PYGB: variants seen among roughly 807,000 people sequenced by gnomAD.
The protein encoded by PYGB is glycogen phosphorylase B.
Under a neutral mutation model 94.3 loss-of-function variants are expected in PYGB, and 82 were observed. The ratio of observed to expected loss-of-function variants is 0.87; its 90% CI spans 0.73 to 1.04. The LOEUF (loss-of-function observed/expected upper bound fraction) is 1.04. Ranked by LOEUF, PYGB falls within the 50% of genes least tolerant of loss-of-function variation. PYGB has a pLI of 0.00. For missense variants in PYGB, 1,132 were observed against 1,158.2 expected (o/e 0.98, Z 0.33); for synonymous variants, 488 against 479.1 (o/e 1.02, Z -0.24).
chr20:25,249,482 G>T (rs918685337), intron 1 of PYGB, among the ~76,000 whole-genome samples: 4 of 152,224 alleles, frequency 2.6e-5, no homozygotes, highest in Admixed American at 1.3e-4. Flanking sequence ...CAGACCTGAA[G>T]CCACTTGGCA....
In PYGB at chr20:25,287,088, C is replaced by A. The variant is rs190867287; in HGVS notation, c.1769-1337C>A. ...CGCCTGTCCAGGGTGGCCGCTCATC[C>A]CCTTTTTGTAGGAACCTCCCGTGAA... On this transcript the variant is annotated intron_variant, in intron 14 of 19. Transcript: ENST00000216962. Among the ~76,000 whole-genome samples the A allele has an allele frequency of 7.0e-3, 1,070 of 152,320 alleles. 5 individuals are homozygous for A. Among genetic ancestry groups the A allele is most frequent in the Non-Finnish European group, 0.012 (786 of 68,032 alleles).
chr20:25,293,089 T>C (rs544984301), intron 17 of PYGB, among the ~76,000 whole-genome samples: 1 of 142,990 alleles, frequency 7.0e-6, no homozygotes, highest in African/African-American at 2.6e-5. Context: ...TGTTTAAAAA[T>C]AGTATTTTGG....
chr20:25,291,789 G>T (rs960080002), intron 16 of PYGB, among the ~76,000 whole-genome samples: 1 of 152,158 alleles, frequency 6.6e-6, no homozygotes, highest in Non-Finnish European at 1.5e-5. Flanking sequence ...GTTCTCCCCG[G>T]CAGTGTTGCT....
intron 3 of PYGB, among the ~76,000 whole-genome samples, chr20:25,269,841 C>G (rs1378870489): frequency 6.6e-6 from 1 of 152,234 alleles, no homozygotes; most frequent in Non-Finnish European, 1.5e-5. Flanking sequence ...TCCCCGGCCC[C>G]GAGACCTGCT....
chr20:25,262,854 C>CA (rs1209261967), intron 2 of PYGB, among the ~76,000 whole-genome samples: 1 of 152,042 alleles, frequency 6.6e-6, no homozygotes, highest in Non-Finnish European at 1.5e-5. Flanking sequence ...CAACAAAGAT[C>CA]AAAAGAGACA....
rs564640186 is a variant in PYGB at position 25,262,589 on chromosome 20, C to T, written c.345+3251C>T. Among the ~76,000 whole-genome samples, 84 of 152,262 alleles carry T rather than the reference C, an allele frequency of 5.5e-4. No individual in the cohort carries two copies. The South Asian group carries it at 0.017, about 30-fold the overall frequency. On this transcript the variant is annotated intron_variant, in intron 2 of 19. Coordinates refer to ENST00000216962, the MANE Select transcript of PYGB (RefSeq NM_002862.4). ...ATCAGCTACCGGGCAGAATAACCAG[C>T]TAACATCATAATGACAGGATCAAAT...
At chr20:25,269,435 C>A (rs1021327173) in intron 3 of PYGB, among the ~76,000 whole-genome samples, 2 of 152,182 alleles carry the variant, frequency 1.3e-5, no homozygotes, top group Non-Finnish European at 2.9e-5. Flanking sequence ...ACCAATCTTG[C>A]CAGCATGGAG....
Position 25,276,433 on chromosome 20 carries a change from C to T in PYGB, c.661-213C>T, listed in dbSNP as rs368668464. ...GGGGAGGGTGGTGGGACGGGTGGTC[C>T]TCTCAGGATGACAATGTGGGCACCA... On this transcript the variant is annotated intron_variant, in intron 5 of 19. Transcript: ENST00000216962. Among the ~76,000 whole-genome samples, 188 of 152,042 alleles carry T rather than the reference C, an allele frequency of 1.2e-3. 1 individual carries two copies. The highest frequency in any genetic ancestry group is 4.4e-3 in the African/African-American group (183 of 41,466).
chr20:25,262,238 G>A (rs190710765), intron 2 of PYGB, among the ~76,000 whole-genome samples: 1 of 152,342 alleles, frequency 6.6e-6, no homozygotes, highest in African/African-American at 2.4e-5. Context: ...AGAAAGGTTG[G>A]ATTACCCGCA....
In PYGB at chr20:25,277,136, T is replaced by C. The variant is rs189076159; in HGVS notation, c.773-108T>C. 59 of 814,878 alleles carry C rather than the reference T, an allele frequency of 7.2e-5. No individual in the cohort carries two copies. The African/African-American group carries it at 8.8e-4, about 12-fold the overall frequency. The allele number at this position is 814,878 out of a possible 1,614,324, so 50.5% of individuals were successfully genotyped here. ...GGAAGTAATGCAGCGGCTGGGGGAGTCCTGTGCTCGAGCGAGTTTCCTTGG... is the reference window on the plus strand; with the variant it reads ...GGAAGTAATGCAGCGGCTGGGGGAGCCCTGTGCTCGAGCGAGTTTCCTTGG... On this transcript the variant is annotated intron_variant, in intron 6 of 19. Coordinates refer to ENST00000216962, the MANE Select transcript of PYGB (RefSeq NM_002862.4).
chr20:25,288,463 A>T lies in PYGB; in HGVS notation c.1807A>T (p.Thr603Ser), dbSNP rs200142529. The T allele has an allele frequency of 2.0e-5, 33 of 1,613,446 alleles. No homozygotes were observed. The highest frequency in any genetic ancestry group is 2.5e-6 in the Non-Finnish European group (3 of 1,179,930). ...RDPAKAFVPR[T>S]VMIGGKAAPG... ...CCCGGCCAAGGCTTTTGTGCCCAGG[A>T]CTGTTATGATTGGGGGCAAGGTGAG... Residue 603 changes from threonine to serine, a missense_variant, in exon 15 of 20, where the codon ACT becomes TCT. Thr to Ser is a moderately conservative substitution (Grantham distance 58). Transcript: ENST00000216962.
At chr20:25,267,894 G>A (rs1335752024) in intron 2 of PYGB, among the ~76,000 whole-genome samples, 1 of 152,160 alleles carries the variant, frequency 6.6e-6, no homozygotes, top group African/African-American at 2.4e-5. Context: ...GGTAGGAAGA[G>A]TGTGCTGTAG....
chr20:25,290,326 G>T (rs2088454695), intron 15 of PYGB, among the ~76,000 whole-genome samples, 155 bp from the exon 16 acceptor site: 1 of 152,210 alleles, frequency 6.6e-6, no homozygotes, highest in Non-Finnish European at 1.5e-5. Context: ...GGGGCCTTGG[G>T]GCCGGGGAGC....
intron 7 of PYGB, 134 bp downstream of exon 7, chr20:25,277,460 T>G: frequency 1.3e-6 from 1 of 765,752 alleles, no homozygotes; most frequent in Non-Finnish European, 2.2e-6. Flanking sequence ...CCCTCTCGCC[T>G]TAGGTGCACA....
chr20:25,258,988 T>G (rs1476005004), intron 1 of PYGB, among the ~76,000 whole-genome samples: 1 of 152,124 alleles, frequency 6.6e-6, no homozygotes, highest in Non-Finnish European at 1.5e-5. Flanking sequence ...GGAAAGTTAG[T>G]GTGTGTTCAT....
intron 4 of PYGB, among the ~76,000 whole-genome samples, chr20:25,272,101 ACCTCCT>A (rs1485670515): frequency 1.3e-5 from 2 of 151,842 alleles, no homozygotes; most frequent in Non-Finnish European, 2.9e-5. Context: ...TTAAAATGCA[ACCTCCT>A]CCTCCCTGGC....
intron 12 of PYGB, 54 bp from the exon 13 acceptor site, chr20:25,283,122 G>C: frequency 4.8e-6 from 7 of 1,449,724 alleles, no homozygotes; most frequent in Non-Finnish European, 6.8e-6. Flanking sequence ...TGGCTAGGGG[G>C]CCCAGCCTCA....
chr20:25,275,528 C>G (rs1308678407), intron 5 of PYGB, among the ~76,000 whole-genome samples: 1 of 152,218 alleles, frequency 6.6e-6, no homozygotes, highest in Non-Finnish European at 1.5e-5. Flanking sequence ...AGGGAGTTGT[C>G]TTGACTTTGT....
rs777191889 is a variant in PYGB at position 25,283,170 on chromosome 20, C to G, written c.1519-6C>G. 2.5e-6 allele frequency: 4 copies of G among 1,611,092 alleles called. No homozygotes were observed. Among genetic ancestry groups the G allele is most frequent in the South Asian group, 2.2e-5 (2 of 90,998 alleles). ...CCACAGTGAGCGGAACCTTTACGTTCTCCAGAAAATTGGGGAGGAGTTCCT... is the reference window on the plus strand; with the variant it reads ...CCACAGTGAGCGGAACCTTTACGTTGTCCAGAAAATTGGGGAGGAGTTCCT... On this transcript the variant is annotated splice_region_variant and splice_polypyrimidine_tract_variant and intron_variant, in intron 12 of 19. Transcript: ENST00000216962.
Sources: allele counts gnomAD v4.1 joint callset (sites outside exome capture counted in the v4.1 genomes callset), GRCh38; gene constraint gnomAD v4.1.1; transcripts MANE v1.5; gene names NCBI Gene and HGNC (gene_info 2026-07-23, HGNC 2026-07-21).